The following SYTL4 variants were observed in gnomAD, a reference collection of about 807,000 sequenced individuals.
SYTL4 encodes the protein synaptotagmin-like protein 4.
A neutral mutation model predicts 52.7 loss-of-function variants in SYTL4; 16 were observed. The observed-to-expected ratio is 0.30, with a 90% CI of 0.21 to 0.46. The LOEUF (loss-of-function observed/expected upper bound fraction) is 0.46. Among genes scored for constraint, SYTL4 ranks in the 20% least tolerant of loss-of-function variants. The probability of loss-of-function intolerance (pLI) is 1.00; values close to 1 mark genes in which losing one functional copy is unlikely to be tolerated. For missense variants in SYTL4, 423 were observed against 519.9 expected (o/e 0.81, Z 1.81); for synonymous variants, 160 against 186.6 (o/e 0.86, Z 1.16).
chrX:100,712,000 G>GA (rs760927321), intron 2 of SYTL4, among the ~76,000 whole-genome samples: 14,035 of 108,801 alleles, frequency 0.13, 2,250 homozygotes, highest in African/African-American at 0.44. Flanking sequence ...AATACTGAAA[G>GA]AAAAAAAACA....
At chrX:100,714,977 A>AT (rs1346309363) in intron 2 of SYTL4, among the ~76,000 whole-genome samples, 1 of 111,824 alleles carries the variant, frequency 8.9e-6, no homozygotes, top group African/African-American at 3.3e-5. Flanking sequence ...TATTAGAATT[A>AT]TTTTTTAAAA....
chrX:100,688,541 G>T, intron 12 of SYTL4, 98 bp from the exon 13 acceptor site: 5 of 593,905 alleles, frequency 8.4e-6, no homozygotes, highest in Non-Finnish European at 1.3e-5. Flanking sequence ...GTTGCCATGT[G>T]TATGTGTACG....
chrX:100,718,657 A>G (rs1265044305), intron 2 of SYTL4, among the ~76,000 whole-genome samples: 1 of 111,637 alleles, frequency 9.0e-6, no homozygotes, highest in South Asian at 3.8e-4. Context: ...ATTTTTCCCT[A>G]ACAATGAGAA....
chrX:100,724,105 C>T (rs1176027301), intron 2 of SYTL4, among the ~76,000 whole-genome samples: 1 of 93,373 alleles, frequency 1.1e-5, no homozygotes, highest in African/African-American at 4.3e-5. Context: ...AGTGAGGAGC[C>T]CCTCTGCCCG....
At chrX:100,723,739 T>G in intron 2 of SYTL4, among the ~76,000 whole-genome samples, 1 of 99,216 alleles carries the variant, frequency 1.0e-5, no homozygotes, top group East Asian at 3.5e-4. Flanking sequence ...GGCCGCCCCG[T>G]CTGAGAAGTG....
At chrX:100,718,539 C>A (rs2084273660) in intron 2 of SYTL4, among the ~76,000 whole-genome samples, 1 of 110,792 alleles carries the variant, frequency 9.0e-6, no homozygotes, top group African/African-American at 3.3e-5. Context: ...CAGCTGGGGT[C>A]TAGACCCTCA....
intron 14 of SYTL4, 43 bp downstream of exon 14, chrX:100,687,024 G>C (rs2083486755): frequency 8.4e-7 from 1 of 1,185,094 alleles, no homozygotes; most frequent in Non-Finnish European, 1.1e-6. Context: ...CCGGGGTCTG[G>C]TCTCTGGTCT....
intron 8 of SYTL4, among the ~76,000 whole-genome samples, chrX:100,691,899 C>T (rs1289108543): frequency 2.7e-5 from 3 of 111,523 alleles, no homozygotes; most frequent in African/African-American, 9.8e-5. Flanking sequence ...AGCTGAAACT[C>T]CTTAGCATGG....
chrX:100,702,302 G>C (rs1280725568), intron 4 of SYTL4, among the ~76,000 whole-genome samples, 195 bp from the exon 5 acceptor site: 7 of 112,023 alleles, frequency 6.2e-5, no homozygotes, highest in Non-Finnish European at 1.1e-4. Context: ...TTTTCAGAAA[G>C]AAAAAGTTAT....
rs766316246 is a variant in SYTL4 at position 100,722,057 on chromosome X, C to T, written c.-240+9361G>A. Among the ~76,000 whole-genome samples the T allele has an allele frequency of 3.4e-4, 38 of 111,428 alleles. 1 individual carries two copies. Among genetic ancestry groups the T allele is most frequent in the Non-Finnish European group, 4.0e-4 (21 of 53,120 alleles). On this transcript the variant is annotated intron_variant, in intron 2 of 19. Transcript: ENST00000372989. ...CCTCAGGTGATCCACCCGCCTCAGC[C>T]TCCCAAAGTGCTGGGATTACTGGTG...
intron 3 of SYTL4, among the ~76,000 whole-genome samples, chrX:100,704,572 C>T (rs943362310): frequency 8.9e-6 from 1 of 111,960 alleles, no homozygotes; most frequent in Admixed American, 9.4e-5. Flanking sequence ...GCCCTCATAG[C>T]AATAGAAGAT....
chrX:100,716,450 C>CAAAAAAAAAAAAAA (rs200368843), intron 2 of SYTL4, among the ~76,000 whole-genome samples: 9 of 25,773 alleles, frequency 3.5e-4, no homozygotes, highest in South Asian at 3.2e-3. Flanking sequence ...AACTCCATCT[C>CAAAAAAAAAAAAAA]AAAAAAAAAA....
intron 4 of SYTL4, 135 bp from the exon 5 acceptor site, chrX:100,702,242 G>C (rs1343214): frequency 0.36 from 130,647 of 360,357 alleles, 17,588 homozygotes; most frequent in East Asian, 0.55. Flanking sequence ...GACCTATTTA[G>C]TCTTCCTACT....
intron 12 of SYTL4, among the ~76,000 whole-genome samples, chrX:100,689,639 CAAAAAAAAAAA>C (rs58418223): frequency 2.5e-5 from 1 of 39,657 alleles, no homozygotes; most frequent in Non-Finnish European, 4.0e-5. Flanking sequence ...AACTCCGTCT[CAAAAAAAAAAA>C]AAAAAAAAAA....
At chrX:100,717,237 A>C (rs1394985743) in intron 2 of SYTL4, among the ~76,000 whole-genome samples, 1 of 97,551 alleles carries the variant, frequency 1.0e-5, no homozygotes, top group Non-Finnish European at 2.1e-5. Flanking sequence ...TTAGTAACAG[A>C]GACACTTAAA....
chrX:100,693,449 C>A (rs2083642059), intron 8 of SYTL4, among the ~76,000 whole-genome samples: 2 of 112,226 alleles, frequency 1.8e-5, no homozygotes, highest in African/African-American at 6.5e-5. Flanking sequence ...CAATACAAAT[C>A]AAATCTGTCA....
intron 16 of SYTL4, among the ~76,000 whole-genome samples, chrX:100,681,932 T>A (rs4827870): frequency 0.51 from 56,438 of 111,438 alleles, 11,256 homozygotes; most frequent in Non-Finnish European, 0.64. Flanking sequence ...TGAATATAAA[T>A]GTATGTAAAT....
At chrX:100,701,061 C>T in intron 7 of SYTL4, 62 bp from the exon 8 acceptor site, 2 of 982,940 alleles carry the variant, frequency 2.0e-6, no homozygotes, top group South Asian at 3.9e-5. Context: ...AGGAAACAAC[C>T]CTCATAGCAA....
In SYTL4 at chrX:100,678,576, T is replaced by C. The variant is rs769855816; in HGVS notation, c.1682A>G (p.Lys561Arg). 5 of 1,211,245 alleles carry C rather than the reference T, an allele frequency of 4.1e-6. No individual in the cohort carries two copies. In the Middle Eastern group the frequency reaches 6.9e-4, roughly 167 times the overall value. The change falls in exon 19 of 20, where the codon AAG (lysine) becomes AGG (arginine). Residue 561 changes from lysine to arginine, a missense_variant. By Grantham distance (26) the Lys-to-Arg change is conservative. Coordinates refer to ENST00000372989, the MANE Select transcript of SYTL4 (RefSeq NM_001370165.1). The part of the protein sequence containing the change: ...VKGYLLPMRN[K>R]ASKRKTPVMK... ...CACAGGAGTTTTACGTTTACTGGCCTTGTTCCTCATGGGAAGGAGGTATCT... is the reference window on the plus strand; with the variant it reads ...CACAGGAGTTTTACGTTTACTGGCCCTGTTCCTCATGGGAAGGAGGTATCT...
Sources: allele counts gnomAD v4.1 joint callset (sites outside exome capture counted in the v4.1 genomes callset), GRCh38; gene constraint gnomAD v4.1.1; transcripts MANE v1.5; gene names NCBI Gene and HGNC (gene_info 2026-07-23, HGNC 2026-07-21).